Variants in ZNF704 observed in about 807,000 individuals in gnomAD.
ZNF704 encodes glucocorticoid induced gene 1.
A neutral mutation model predicts 44.7 loss-of-function variants in ZNF704; 10 were observed. That is an observed-to-expected ratio of 0.22 (90% CI 0.14 to 0.38). ZNF704 has a LOEUF of 0.38. ZNF704 is among the 10% of genes least tolerant of loss of function. The pLI, the probability that ZNF704 is intolerant of heterozygous loss-of-function variation, is 1.00. For synonymous variants in ZNF704, 211 were observed against 207.6 expected (o/e 1.02, Z -0.14); for missense variants, 390 against 545.5 (o/e 0.71, Z 2.84).
At chr8:80,704,580 C>A (rs149219399) in intron 2 of ZNF704, among the ~76,000 whole-genome samples, 2 of 152,132 alleles carry the variant, frequency 1.3e-5, no homozygotes, top group African/African-American at 2.4e-5. Context: ...GGGCACCGAC[C>A]CCGACCCCAA....
At chr8:80,819,684 C>G (rs1257406279) in intron 2 of ZNF704, among the ~76,000 whole-genome samples, 1 of 151,956 alleles carries the variant, frequency 6.6e-6, no homozygotes, top group East Asian at 1.9e-4. Flanking sequence ...CACAACCATG[C>G]CACAGTAGAA....
chr8:80,647,624 G>C (rs998934937), intron 7 of ZNF704, among the ~76,000 whole-genome samples: 7 of 152,164 alleles, frequency 4.6e-5, no homozygotes, highest in Non-Finnish European at 7.4e-5. Context: ...CAGTGGTGGG[G>C]AGGGTCTGGA....
intron 5 of ZNF704, among the ~76,000 whole-genome samples, chr8:80,665,971 T>C (rs1224024728): frequency 6.6e-6 from 1 of 152,062 alleles, no homozygotes; most frequent in Non-Finnish European, 1.5e-5. Context: ...ATTTATTTAT[T>C]TTTTTATTAT....
chr8:80,689,901 C>T lies in ZNF704; in HGVS notation c.326-2443G>A, dbSNP rs75312506. On this transcript the variant is annotated intron_variant, in intron 3 of 8. Coordinates refer to ENST00000327835, the MANE Select transcript of ZNF704 (RefSeq NM_001033723.3). Reference sequence around the variant, plus strand: ...GGGGACAGAGCCTCCTTATATTAAACCTCTGTTTGTCAAGAATGGAGACAG... The same window carrying T: ...GGGGACAGAGCCTCCTTATATTAAATCTCTGTTTGTCAAGAATGGAGACAG... 6.1e-3 allele frequency among the ~76,000 whole-genome samples: 934 copies of T among 152,196 alleles called. 10 individuals are homozygous for T. Among genetic ancestry groups the T allele is most frequent in the African/African-American group, 0.022 (896 of 41,524 alleles).
intron 2 of ZNF704, among the ~76,000 whole-genome samples, chr8:80,721,120 C>T (rs962654767): frequency 1.3e-5 from 2 of 152,188 alleles, no homozygotes; most frequent in Admixed American, 6.5e-5. Context: ...AGCACATTCT[C>T]CTTTGCTCAG....
intron 1 of ZNF704, among the ~76,000 whole-genome samples, chr8:80,838,817 AAGGAAC>A (rs996045407): frequency 6.7e-6 from 1 of 149,416 alleles, no homozygotes; most frequent in Non-Finnish European, 1.5e-5. Context: ...AGAAAGGGGA[AAGGAAC>A]AGGAGGCAGA....
At chr8:80,650,744 A>G (rs1378949095) in intron 7 of ZNF704, among the ~76,000 whole-genome samples, 1 of 152,254 alleles carries the variant, frequency 6.6e-6, no homozygotes, top group Non-Finnish European at 1.5e-5. Context: ...AACACTCTGC[A>G]GGATATTATC....
At chr8:80,657,412 G>C (rs1036628072) in intron 7 of ZNF704, among the ~76,000 whole-genome samples, 1 of 152,200 alleles carries the variant, frequency 6.6e-6, no homozygotes, top group African/African-American at 2.4e-5. Flanking sequence ...GAAGCTCTCA[G>C]CTGGGCGCAG....
At chr8:80,808,695 C>T (rs1285631087) in intron 2 of ZNF704, among the ~76,000 whole-genome samples, 8 of 152,114 alleles carry the variant, frequency 5.3e-5, no homozygotes, top group African/African-American at 1.7e-4. Flanking sequence ...TCAACGTGAT[C>T]GTTTGATACA....
At chr8:80,824,986 A>C (rs1352912573) in intron 1 of ZNF704, among the ~76,000 whole-genome samples, 3 of 152,234 alleles carry the variant, frequency 2.0e-5, no homozygotes, top group South Asian at 2.1e-4. Flanking sequence ...AATTGTAAAG[A>C]CCATCGAGGC....
At chr8:80,660,081 T>C (rs1818075142) in intron 6 of ZNF704, among the ~76,000 whole-genome samples, 1 of 152,202 alleles carries the variant, frequency 6.6e-6, no homozygotes, top group African/African-American at 2.4e-5. Context: ...ACAATACATA[T>C]AAAAATTCTT....
chr8:80,642,270 T>G (rs1258034537), intron 8 of ZNF704, among the ~76,000 whole-genome samples: 1 of 152,208 alleles, frequency 6.6e-6, no homozygotes, highest in Non-Finnish European at 1.5e-5. Context: ...ATTTTTTTCT[T>G]TCTTTGTTAA....
At chr8:80,860,076 T>C (rs1809033298) in intron 1 of ZNF704, among the ~76,000 whole-genome samples, 1 of 152,226 alleles carries the variant, frequency 6.6e-6, no homozygotes, top group African/African-American at 2.4e-5. Flanking sequence ...TTTCATCCCA[T>C]GCTGCTGGGG....
upstream of ZNF704, among the ~76,000 whole-genome samples, chr8:80,877,342 A>G (rs941513834): frequency 1.3e-5 from 2 of 152,226 alleles, no homozygotes; most frequent in Non-Finnish European, 2.9e-5. Context: ...AGGCAAGTGC[A>G]GGCCACTGAA....
At chr8:80,794,305 A>G (rs1807762614) in intron 2 of ZNF704, among the ~76,000 whole-genome samples, 1 of 152,144 alleles carries the variant, frequency 6.6e-6, no homozygotes, top group African/African-American at 2.4e-5. Context: ...AGCTTCTTCA[A>G]TTTTGTTGGC....
intron 1 of ZNF704, among the ~76,000 whole-genome samples, chr8:80,855,127 A>G (rs1808937338): frequency 6.6e-6 from 1 of 152,198 alleles, no homozygotes; most frequent in Non-Finnish European, 1.5e-5. Flanking sequence ...TTCTTGTTCA[A>G]TAGTATATCG....
chr8:80,798,400 C>T (rs1807843347), intron 2 of ZNF704, among the ~76,000 whole-genome samples: 1 of 152,092 alleles, frequency 6.6e-6, no homozygotes, highest in African/African-American at 2.4e-5. Flanking sequence ...GGATTACAGG[C>T]ACTAGCCACC....
chr8:80,835,088 T>C (rs917427747), intron 1 of ZNF704, among the ~76,000 whole-genome samples: 1 of 152,180 alleles, frequency 6.6e-6, no homozygotes, highest in East Asian at 1.9e-4. Context: ...GGATGGAAAG[T>C]TATTGGAAAA....
intron 2 of ZNF704, among the ~76,000 whole-genome samples, chr8:80,801,360 T>C (rs1301761001): frequency 6.6e-6 from 1 of 152,116 alleles, no homozygotes; most frequent in Non-Finnish European, 1.5e-5. Flanking sequence ...AACAACAAAA[T>C]ATACATTCTT....
Sources: allele counts gnomAD v4.1 joint callset (sites outside exome capture counted in the v4.1 genomes callset), GRCh38; gene constraint gnomAD v4.1.1; transcripts MANE v1.5; gene names NCBI Gene and HGNC (gene_info 2026-07-23, HGNC 2026-07-21).